The following TIMP2 variants were observed in gnomAD, a reference collection of about 807,000 sequenced individuals.
TIMP2 encodes metalloproteinase inhibitor 2.
TIMP2 carries 5 observed loss-of-function variants against 24.3 expected under a neutral mutation model. That is an observed-to-expected ratio of 0.21 (90% CI 0.11 to 0.43). The LOEUF (loss-of-function observed/expected upper bound fraction) is 0.43. Among genes scored for constraint, TIMP2 ranks in the 20% least tolerant of loss-of-function variants. The probability of loss-of-function intolerance (pLI) is 1.00; values close to 1 mark genes in which losing one functional copy is unlikely to be tolerated. For missense variants in TIMP2, 221 were observed against 297.5 expected (o/e 0.74, Z 1.89); for synonymous variants, 130 against 123.2 (o/e 1.06, Z -0.37).
At chr17:78,874,350 A>T (rs2069711081) in intron 1 of TIMP2, among the ~76,000 whole-genome samples, 1 of 152,012 alleles carries the variant, frequency 6.6e-6, no homozygotes, top group South Asian at 2.1e-4. Flanking sequence ...TACCCCATGG[A>T]ACTGACCCAC....
Position 78,905,502 on chromosome 17 carries a change from G to T in TIMP2, c.130+19457C>A, listed in dbSNP as rs138349112. Among the ~76,000 whole-genome samples, 405 of 152,334 alleles carry T rather than the reference G, an allele frequency of 2.7e-3. 1 individual carries two copies. Among genetic ancestry groups the T allele is most frequent in the African/African-American group, 9.3e-3 (386 of 41,576 alleles). ...GATCCCTACATCTTTTATCCTCTCA[G>T]CGTGGCCTTGACGCCCATTCTAAAG... On this transcript the variant is annotated intron_variant, in intron 1 of 4. Transcript: ENST00000262768.
At chr17:78,884,991 G>C (rs562098902) in intron 1 of TIMP2, among the ~76,000 whole-genome samples, 93 of 152,318 alleles carry the variant, frequency 6.1e-4, no homozygotes, top group African/African-American at 2.0e-3. Flanking sequence ...CAGCAGGTTG[G>C]GGGGGAGCAG....
intron 1 of TIMP2, among the ~76,000 whole-genome samples, chr17:78,908,589 G>A (rs939618123): frequency 2.0e-5 from 3 of 152,176 alleles, no homozygotes; most frequent in African/African-American, 7.2e-5. Context: ...CACTCTGTGG[G>A]TGACCTTGGG....
intron 3 of TIMP2, among the ~76,000 whole-genome samples, chr17:78,864,643 G>T (rs2069594352): frequency 6.6e-6 from 1 of 152,156 alleles, no homozygotes; most frequent in South Asian, 2.1e-4. Context: ...ATACTAAGTA[G>T]TATCTGAGTT....
intron 1 of TIMP2, among the ~76,000 whole-genome samples, chr17:78,912,360 G>A (rs967720033): frequency 6.6e-6 from 1 of 152,118 alleles, no homozygotes; most frequent in Non-Finnish European, 1.5e-5. Context: ...GCTTTGCCAC[G>A]TCTGTGTCAG....
At chr17:78,857,731 G>C in intron 3 of TIMP2, 85 bp from the exon 4 acceptor site, 1 of 1,569,704 alleles carries the variant, frequency 6.4e-7, no homozygotes, top group Non-Finnish European at 8.7e-7. Flanking sequence ...CAGGGGCGCT[G>C]GGATTTCGTT....
At chr17:78,912,546 G>A (rs1212729884) in intron 1 of TIMP2, among the ~76,000 whole-genome samples, 7 of 152,302 alleles carry the variant, frequency 4.6e-5, no homozygotes, top group South Asian at 2.1e-4. Context: ...TAGCCCACCC[G>A]TGCGATGAAG....
At chr17:78,865,977 T>TAA (rs1555648482) in intron 3 of TIMP2, among the ~76,000 whole-genome samples, 2 of 151,450 alleles carry the variant, frequency 1.3e-5, no homozygotes, top group African/African-American at 4.9e-5. Flanking sequence ...GGCTGGGACT[T>TAA]ACTTTAAAGG....
rs1382400222 is a variant in TIMP2, at chr17:78,924,258, T to C, written c.130+701A>G. Among the ~76,000 whole-genome samples the C allele has an allele frequency of 6.6e-6, 1 of 152,194 alleles. No homozygotes were observed. The highest frequency in any genetic ancestry group is 6.5e-5 in the Admixed American group (1 of 15,280). ...GCACAGTCCCACGTGCCGGGTCCGG[T>C]CACCAAAGTCTCCAGCTTTTGTGGA... On this transcript the variant is annotated intron_variant, in intron 1 of 4. Coordinates refer to ENST00000262768, the MANE Select transcript of TIMP2 (RefSeq NM_003255.5). The surrounding 1 kb of genome is among the most constrained non-coding windows in gnomAD (Gnocchi z 5.3).
At chr17:78,857,239 C>T (rs900970129) in intron 4 of TIMP2, 19 of 368,008 alleles carry the variant, frequency 5.2e-5, no homozygotes, top group African/African-American at 2.9e-4. Flanking sequence ...CCACCTATCT[C>T]GGCCTCCCAA....
At chr17:78,875,280 C>T (rs1253751562) in intron 1 of TIMP2, among the ~76,000 whole-genome samples, 1 of 152,058 alleles carries the variant, frequency 6.6e-6, no homozygotes, top group East Asian at 1.9e-4. Flanking sequence ...GCTGGCAGAC[C>T]CAAGGGACAG....
rs77087475 is a variant in TIMP2, at chr17:78,920,593, A to C, written c.130+4366T>G. ...CCTCCAAGGACGCTGTTCAAAACCA[A>C]GCCGAAGAGCCTCAGTTCTCCCCAC... On this transcript the variant is annotated intron_variant, in intron 1 of 4. Coordinates refer to ENST00000262768, the MANE Select transcript of TIMP2 (RefSeq NM_003255.5). This position sits in a 1 kb window ranked among gnomAD's most constrained non-coding sequence, Gnocchi z 4.5. Among the ~76,000 whole-genome samples the C allele has an allele frequency of 1.8e-4, 27 of 152,228 alleles. 1 individual carries two copies. In the East Asian group the frequency reaches 5.2e-3, roughly 29 times the overall value.
chr17:78,873,816 T>C lies in TIMP2; in HGVS notation c.231+3A>G. The stretch of plus-strand genomic sequence containing the variant: ...AGCCCGGGATGCCGGCAGCCACTAT[T>C]ACCTTTATCTGCTTGATCTCATACT... On this transcript the variant is annotated splice_donor_region_variant and intron_variant, in intron 2 of 4. Coordinates refer to ENST00000262768, the MANE Select transcript of TIMP2 (RefSeq NM_003255.5). 1 of 1,611,782 alleles carries C rather than the reference T, an allele frequency of 6.2e-7. No individual in the cohort carries two copies. The highest frequency in any genetic ancestry group is 8.5e-7 in the Non-Finnish European group (1 of 1,179,514).
At chr17:78,902,005 TA>T (rs2145785394) in intron 1 of TIMP2, 5 of 573,702 alleles carry the variant, frequency 8.7e-6, no homozygotes, top group Non-Finnish European at 1.6e-5. Context: ...TTCTAGCCTC[TA>T]AAAATACCCT....
chr17:78,871,835 C>A (rs1270098134), intron 2 of TIMP2, among the ~76,000 whole-genome samples: 7 of 146,004 alleles, frequency 4.8e-5, no homozygotes, highest in African/African-American at 1.8e-4. Flanking sequence ...GACAGCAAGA[C>A]TCCATCTCAA....
intron 1 of TIMP2, among the ~76,000 whole-genome samples, chr17:78,894,184 G>A (rs755822695): frequency 1.3e-5 from 2 of 151,378 alleles, no homozygotes; most frequent in South Asian, 2.1e-4. Context: ...TTTGAGATAC[G>A]AAGCTCCTAC....
At position 78,873,873 on chromosome 17, in the gene TIMP2, G is replaced by T; in HGVS notation, c.177C>A (p.Asn59Lys). ...TCTTGATAGGGTTGCCATAAATGTC[G>T]TTTCCAGAGTCCACTTCCTTCTCAC... ...AVSEKEVDSG[N>K]DIYGNPIKRI... is the part of the protein sequence containing the mutation. The change falls in exon 2 of 5, where the codon AAC becomes AAA. Residue 59 changes from asparagine to lysine, a missense_variant. By Grantham distance (94) the Asn-to-Lys change is moderately conservative. Transcript: ENST00000262768. 1 of 1,613,362 alleles carries T rather than the reference G, an allele frequency of 6.2e-7. No homozygotes were observed.
At chr17:78,864,523 G>T (rs1017740648) in intron 3 of TIMP2, among the ~76,000 whole-genome samples, 21 of 152,048 alleles carry the variant, frequency 1.4e-4, no homozygotes, top group African/African-American at 5.1e-4. Context: ...GATTACAGGT[G>T]TGAGCCACTA....
At chr17:78,901,330 G>T (rs973687309) in intron 1 of TIMP2, 8 of 166,064 alleles carry the variant, frequency 4.8e-5, no homozygotes, top group Admixed American at 2.2e-4. Context: ...AAATGATCAG[G>T]AATAAACCTG....
Sources: gnomAD v4.1 joint callset for allele counts (sites outside exome capture counted in the v4.1 genomes callset) on GRCh38, gnomAD v4.1.1 for gene constraint, Gnocchi (gnomAD v3.1) non-coding constraint, MANE v1.5 for transcripts, NCBI Gene and HGNC (gene_info 2026-07-23, HGNC 2026-07-21) for gene names.